TUSC3: variants seen among roughly 807,000 people sequenced by gnomAD.
TUSC3 encodes tumor suppressor candidate 3.
In TUSC3, 45 loss-of-function variants were observed where a neutral mutation model predicts 44.8. That is an observed-to-expected ratio of 1.00 (90% CI 0.79 to 1.29). The LOEUF (loss-of-function observed/expected upper bound fraction) is 1.29. TUSC3 is among the 50% of genes most tolerant of loss of function. The pLI is 0.00. For synonymous variants in TUSC3, 212 were observed against 152.9 expected, an observed-to-expected ratio of 1.39 and a Z score of -2.85; for missense variants, 519 against 437.9, an observed-to-expected ratio of 1.19 and a Z score of -1.65.
chr8:15,442,363 A>C (rs896051573), intron 1 of TUSC3, among the ~76,000 whole-genome samples: 6 of 152,166 alleles, frequency 3.9e-5, no homozygotes, highest in African/African-American at 1.4e-4. Flanking sequence ...TTATTTGATA[A>C]ATAATAGGAA....
At chr8:15,691,967 G>A (rs1341642543) in intron 6 of TUSC3, among the ~76,000 whole-genome samples, 4 of 151,976 alleles carry the variant, frequency 2.6e-5, no homozygotes, top group Non-Finnish European at 2.9e-5. Context: ...TTTTAGTAGA[G>A]ACAGGGTCTC....
At chr8:15,420,597 T>C in intron 1 of TUSC3, among the ~76,000 whole-genome samples, 1 of 127,836 alleles carries the variant, frequency 7.8e-6, no homozygotes, top group Admixed American at 7.2e-5. Flanking sequence ...GCCTCCAGTT[T>C]CTGCAAAAAT....
the TUSC3 span, among the ~76,000 whole-genome samples, chr8:15,794,590 A>C: frequency 6.6e-6 from 1 of 152,198 alleles, no homozygotes. Context: ...TACTTAAAGC[A>C]ATAGCATAGC....
chr8:15,781,124 T>G, the TUSC3 span, among the ~76,000 whole-genome samples: 1 of 152,164 alleles, frequency 6.6e-6, no homozygotes, highest in African/African-American at 2.4e-5. Context: ...GCCCCAGCGA[T>G]GTAGATCCAG....
chr8:15,744,566 A>G (rs1200807498), intron 8 of TUSC3, among the ~76,000 whole-genome samples: 1 of 152,108 alleles, frequency 6.6e-6, no homozygotes, highest in East Asian at 1.9e-4. Context: ...AGCTAGGGTG[A>G]CATGTGTGTA....
intron 2 of TUSC3, among the ~76,000 whole-genome samples, chr8:15,514,682 G>A (rs13278479): frequency 0.068 from 10,407 of 152,252 alleles, 514 homozygotes; most frequent in South Asian, 0.2. Flanking sequence ...TTACAATTAT[G>A]TTTTAGTGTT....
At chr8:15,622,537 A>G (rs1026071709) in intron 1 of TUSC3, among the ~76,000 whole-genome samples, 2 of 152,166 alleles carry the variant, frequency 1.3e-5, no homozygotes, top group Non-Finnish European at 2.9e-5. Context: ...TCTACCAGTC[A>G]CTGTGCCTCC....
At chr8:15,488,927 A>G (rs1345013882) in intron 2 of TUSC3, among the ~76,000 whole-genome samples, 2 of 152,230 alleles carry the variant, frequency 1.3e-5, no homozygotes, top group African/African-American at 4.8e-5. Context: ...AAATGGGAAT[A>G]TGAATAAGTA....
chr8:15,727,780 G>C (rs1178276317), intron 6 of TUSC3, among the ~76,000 whole-genome samples: 1 of 152,186 alleles, frequency 6.6e-6, no homozygotes, highest in East Asian at 1.9e-4. Context: ...TGTTGAAGTG[G>C]AAACTATGAA....
the TUSC3 span, among the ~76,000 whole-genome samples, chr8:15,781,116 C>T: frequency 2.6e-5 from 4 of 152,068 alleles, no homozygotes; most frequent in Non-Finnish European, 5.9e-5. Flanking sequence ...CCCAGGTTGC[C>T]CCAGCGATGT....
intron 1 of TUSC3, among the ~76,000 whole-genome samples, chr8:15,543,628 C>T (rs964485090): frequency 4.6e-5 from 7 of 151,682 alleles, no homozygotes; most frequent in East Asian, 3.9e-4. Flanking sequence ...TAGTGCAATG[C>T]GTAGGATATA....
chr8:15,749,804 G>A (rs2543154), intron 9 of TUSC3, among the ~76,000 whole-genome samples: 87,774 of 143,536 alleles, frequency 0.61, 27,090 homozygotes, highest in Non-Finnish European at 0.64. Flanking sequence ...ACTTAGTTTG[G>A]CCTGTGTTCT....
chr8:15,458,052 A>G (rs1800285031), intron 1 of TUSC3, among the ~76,000 whole-genome samples: 1 of 152,082 alleles, frequency 6.6e-6, no homozygotes, highest in African/African-American at 2.4e-5. Flanking sequence ...CTCTTTAGGA[A>G]CACATCTAGA....
intron 6 of TUSC3, among the ~76,000 whole-genome samples, chr8:15,721,279 A>G (rs1810296274): frequency 6.6e-6 from 1 of 152,162 alleles, no homozygotes; most frequent in African/African-American, 2.4e-5. Flanking sequence ...TTTCTTAGAC[A>G]ATCACAAGTG....
the TUSC3 span, among the ~76,000 whole-genome samples, chr8:15,792,612 GT>G: frequency 6.6e-6 from 1 of 151,526 alleles, no homozygotes; most frequent in Non-Finnish European, 1.5e-5. Context: ...TTTTCTTTTC[GT>G]TTTTTTGTTT....
intron 1 of TUSC3, among the ~76,000 whole-genome samples, chr8:15,448,114 T>TATATATATATAC (rs1563253367): frequency 0.19 from 1,061 of 5,542 alleles, 130 homozygotes; most frequent in African/African-American, 0.2. Context: ...TATACATATA[T>TATATATATATAC]ATATATTTAT....
chr8:15,833,680 C>G, the TUSC3 span, among the ~76,000 whole-genome samples: 4 of 100,304 alleles, frequency 4.0e-5, no homozygotes, highest in African/African-American at 1.1e-4. Context: ...GACACTAGGA[C>G]CTAACAAAAG....
intron 2 of TUSC3, among the ~76,000 whole-genome samples, chr8:15,508,892 T>C (rs371683063): frequency 7.9e-5 from 12 of 152,336 alleles, no homozygotes; most frequent in African/African-American, 2.9e-4. Flanking sequence ...AATTCTTCCA[T>C]GTAGGGTTGG....
intron 1 of TUSC3, among the ~76,000 whole-genome samples, chr8:15,438,720 T>C (rs767960882): frequency 2.6e-5 from 4 of 152,220 alleles, no homozygotes; most frequent in Non-Finnish European, 5.9e-5. Flanking sequence ...CTTGCTCTTA[T>C]ATAGGACTTC....
Sources: gnomAD v4.1 joint callset for allele counts (sites outside exome capture counted in the v4.1 genomes callset) on GRCh38, gnomAD v4.1.1 for gene constraint, MANE v1.5 for transcripts, NCBI Gene and HGNC (gene_info 2026-07-23, HGNC 2026-07-21) for gene names.